NEDD4L: variants seen among roughly 807,000 people sequenced by gnomAD.
NEDD4L encodes the protein NEDD4 like E3 ubiquitin protein ligase.
In NEDD4L, 54 loss-of-function variants were observed where a neutral mutation model predicts 148.9. That is an observed-to-expected ratio of 0.36 (90% CI 0.29 to 0.45). NEDD4L has a LOEUF of 0.45. NEDD4L is among the 20% of genes least tolerant of loss of function. The pLI is 1.00. For missense variants in NEDD4L, 856 were observed against 1,233.8 expected (o/e 0.69, Z 4.59); for synonymous variants, 433 against 440.7 (o/e 0.98, Z 0.22).
At chr18:58,313,773 G>C (rs1186306303) in intron 5 of NEDD4L, among the ~76,000 whole-genome samples, 1 of 152,234 alleles carries the variant, frequency 6.6e-6, no homozygotes, top group Non-Finnish European at 1.5e-5. Context: ...GTCTTTTGGT[G>C]TCTGGGCAAA....
chr18:58,328,925 T>C, intron 9 of NEDD4L, 70 bp from the exon 10 acceptor site: 5 of 1,584,428 alleles, frequency 3.2e-6, no homozygotes, highest in South Asian at 2.2e-5. Flanking sequence ...TCCGTGAGCA[T>C]TGAACTGTCA....
At chr18:58,159,149 G>C (rs1435078545) in intron 1 of NEDD4L, among the ~76,000 whole-genome samples, 2 of 152,046 alleles carry the variant, frequency 1.3e-5, no homozygotes, top group Admixed American at 1.3e-4. Flanking sequence ...AGAAAGTCAA[G>C]AGGATTCAAC....
intron 2 of NEDD4L, among the ~76,000 whole-genome samples, chr18:58,167,081 A>T (rs893704013): frequency 2.6e-5 from 4 of 152,260 alleles, no homozygotes; most frequent in African/African-American, 9.6e-5. Context: ...GAAATCTTTT[A>T]AAAAACTGTT....
At chr18:58,267,487 A>G (rs2148755946) in intron 5 of NEDD4L, among the ~76,000 whole-genome samples, 1 of 152,184 alleles carries the variant, frequency 6.6e-6, no homozygotes, top group Middle Eastern at 3.4e-3. Flanking sequence ...AGGCCTTTGC[A>G]GAAGTGCATG....
chr18:58,245,846 A>ATTTTTTTTTTTTT (rs58940181), intron 3 of NEDD4L, among the ~76,000 whole-genome samples: 153 of 91,510 alleles, frequency 1.7e-3, no homozygotes, highest in East Asian at 2.2e-3. Context: ...ATGCCTGGCT[A>ATTTTTTTTTTTTT]TTTTTTTTTT....
intron 7 of NEDD4L, 55 bp from the exon 8 acceptor site, chr18:58,323,177 A>T: frequency 9.7e-7 from 1 of 1,034,968 alleles, no homozygotes; most frequent in Non-Finnish European, 1.5e-6. Flanking sequence ...GACGATTTTA[A>T]GTGTCCTTTG....
chr18:58,200,660 T>C (rs1447441050), intron 2 of NEDD4L, among the ~76,000 whole-genome samples: 1 of 152,190 alleles, frequency 6.6e-6, no homozygotes, highest in East Asian at 1.9e-4. Context: ...ACCCCATTCC[T>C]GCCCCCACAC....
At chr18:58,205,978 T>C (rs916465825) in intron 2 of NEDD4L, among the ~76,000 whole-genome samples, 1 of 152,196 alleles carries the variant, frequency 6.6e-6, no homozygotes, top group African/African-American at 2.4e-5. Context: ...GAGATCCAGT[T>C]CAGATACCAC....
At chr18:58,376,886 C>G (rs1019560098) in intron 24 of NEDD4L, among the ~76,000 whole-genome samples, 1 of 152,220 alleles carries the variant, frequency 6.6e-6, no homozygotes, top group Non-Finnish European at 1.5e-5. Context: ...CCCCTTCCTG[C>G]CTCAGGCCCT....
intron 2 of NEDD4L, among the ~76,000 whole-genome samples, chr18:58,198,301 C>T (rs2040971105): frequency 6.6e-6 from 1 of 152,084 alleles, no homozygotes; most frequent in Admixed American, 6.5e-5. Context: ...ATCAGATTTC[C>T]CTTGAGAACT....
intron 2 of NEDD4L, among the ~76,000 whole-genome samples, chr18:58,199,351 C>T (rs556351035): frequency 6.6e-6 from 1 of 152,166 alleles, no homozygotes; most frequent in African/African-American, 2.4e-5. Flanking sequence ...TTTTCATTGT[C>T]ATATTCAAGG....
At chr18:58,150,927 C>T (rs561084990) in intron 1 of NEDD4L, among the ~76,000 whole-genome samples, 5 of 152,302 alleles carry the variant, frequency 3.3e-5, no homozygotes, top group African/African-American at 9.6e-5. Flanking sequence ...AATTGGTGGA[C>T]GTCCTTGACT....
In NEDD4L at chr18:58,229,803, A is replaced by G. The variant is rs574762067; in HGVS notation, c.123-15624A>G. The stretch of plus-strand genomic sequence containing the variant: ...TCAGGAGATCAAGACTATCCTGGCC[A>G]ATATGGTGAAACCCCGTCTCTACTA... On this transcript the variant is annotated intron_variant, in intron 2 of 30. Coordinates refer to ENST00000400345, the MANE Select transcript of NEDD4L (RefSeq NM_001144967.3). Among the ~76,000 whole-genome samples the G allele has an allele frequency of 3.9e-5, 6 of 152,250 alleles. No homozygotes were observed. In the South Asian group the frequency reaches 8.3e-4, roughly 21 times the overall value.
intron 1 of NEDD4L, among the ~76,000 whole-genome samples, chr18:58,066,804 G>A (rs1195912119): frequency 6.6e-6 from 1 of 152,080 alleles, no homozygotes; most frequent in Non-Finnish European, 1.5e-5. Context: ...GAATCAGGAG[G>A]AAGAGGGGTG....
chr18:58,234,069 C>CT (rs1424766574), intron 2 of NEDD4L, among the ~76,000 whole-genome samples: 1 of 88,714 alleles, frequency 1.1e-5, no homozygotes, highest in Non-Finnish European at 2.2e-5. Context: ...TTCTTTCTTT[C>CT]TTTCTTTCTT....
intron 5 of NEDD4L, among the ~76,000 whole-genome samples, chr18:58,277,911 T>C (rs1379581802): frequency 6.6e-6 from 1 of 152,186 alleles, no homozygotes; most frequent in African/African-American, 2.4e-5. Flanking sequence ...CAGAAATTGC[T>C]TATCAGTGTT....
chr18:58,384,210 G>A (rs2048711469), intron 25 of NEDD4L, among the ~76,000 whole-genome samples: 2 of 152,194 alleles, frequency 1.3e-5, no homozygotes, highest in Admixed American at 6.5e-5. Flanking sequence ...AGTGTGATCT[G>A]CAAAGAAAAA....
intron 2 of NEDD4L, among the ~76,000 whole-genome samples, chr18:58,177,136 C>T (rs1278920548): frequency 2.0e-5 from 3 of 152,092 alleles, no homozygotes; most frequent in Non-Finnish European, 4.4e-5. Context: ...CCGGCCCCTC[C>T]TCATTCCTTC....
intron 13 of NEDD4L, among the ~76,000 whole-genome samples, chr18:58,339,771 A>G (rs185912419): frequency 6.6e-6 from 1 of 152,306 alleles, no homozygotes; most frequent in African/African-American, 2.4e-5. Flanking sequence ...ACCCGGCAGC[A>G]TCCTTGTTGG....
Sources: gnomAD v4.1 joint callset for allele counts (sites outside exome capture counted in the v4.1 genomes callset) on GRCh38, gnomAD v4.1.1 for gene constraint, MANE v1.5 for transcripts, NCBI Gene and HGNC (gene_info 2026-07-23, HGNC 2026-07-21) for gene names.